RABL3: variants seen among roughly 807,000 people sequenced by gnomAD.
RABL3 encodes the protein RAB, member of RAS oncogene family like 3.
Under a neutral mutation model 31.8 loss-of-function variants are expected in RABL3, and 31 were observed. The ratio of observed to expected loss-of-function variants is 0.97; its 90% CI spans 0.73 to 1.31. The LOEUF is 1.31. Among genes scored for constraint, RABL3 ranks in the 40% most tolerant of loss-of-function variants. RABL3 has a pLI of 0.00. For synonymous variants in RABL3, 97 were observed against 99.9 expected (o/e 0.97, Z 0.18); for missense variants, 263 against 279.6 (o/e 0.94, Z 0.42).
chr3:120,727,067 TAA>T (rs1007643671), intron 2 of RABL3, among the ~76,000 whole-genome samples: 1 of 151,500 alleles, frequency 6.6e-6, no homozygotes, highest in Non-Finnish European at 1.5e-5. Context: ...CTTAGAGCTC[TAA>T]AAAAAAGTCT....
At chr3:120,734,612 G>A (rs1440787025) in intron 1 of RABL3, among the ~76,000 whole-genome samples, 10 of 152,180 alleles carry the variant, frequency 6.6e-5, no homozygotes, top group African/African-American at 2.4e-4. Context: ...GGGCATCCTT[G>A]TCTTGTGCCA....
At chr3:120,727,522 G>GA (rs966897907) in intron 2 of RABL3, among the ~76,000 whole-genome samples, 113 of 146,456 alleles carry the variant, frequency 7.7e-4, no homozygotes, top group African/African-American at 2.3e-3. Context: ...AAATATCTAA[G>GA]AAAAAAAAAA....
chr3:120,737,485 G>A (rs7637037), intron 1 of RABL3, among the ~76,000 whole-genome samples: 39,451 of 152,102 alleles, frequency 0.26, 5,854 homozygotes, highest in Non-Finnish European at 0.33. Flanking sequence ...CCTTTAGCTC[G>A]GAGAAGTTTG....
At chr3:120,724,992 C>A (rs1478007635) in intron 2 of RABL3, among the ~76,000 whole-genome samples, 6 of 152,042 alleles carry the variant, frequency 3.9e-5, no homozygotes, top group Non-Finnish European at 8.8e-5. Flanking sequence ...GCAAAAGAAA[C>A]TACCATCAGA....
In RABL3 at chr3:120,730,742, A is replaced by C; in HGVS notation, c.92T>G (p.Val31Gly). The C allele has an allele frequency of 1.2e-6, 2 of 1,614,030 alleles. No homozygotes were observed. The highest frequency in any genetic ancestry group is 1.7e-6 in the Non-Finnish European group (2 of 1,179,912). ...CACAGTCCATGATGGATTTCCCAGC[A>C]CTTGATTTTGGCATAGGAGATGGAC... The part of the protein sequence containing the change: ...SLVHLLCQNQ[V>G]LGNPSWTVGC... The change falls in exon 2 of 8, where the codon GTG (valine) becomes GGG (glycine). Residue 31 changes from valine (V) to glycine (G), a missense_variant. By Grantham distance (109) the Val-to-Gly change is moderately radical. Coordinates refer to ENST00000273375, the MANE Select transcript of RABL3 (RefSeq NM_173825.5).
At chr3:120,731,310 T>C (rs1012033326) in intron 1 of RABL3, among the ~76,000 whole-genome samples, 2 of 152,164 alleles carry the variant, frequency 1.3e-5, no homozygotes, top group African/African-American at 2.4e-5. Context: ...TTGAATACTG[T>C]CAGTGAGAGG....
intron 2 of RABL3, among the ~76,000 whole-genome samples, chr3:120,711,589 A>C (rs1708613240): frequency 6.6e-6 from 1 of 152,072 alleles, no homozygotes; most frequent in Non-Finnish European, 1.5e-5. Context: ...TTTCTCACTC[A>C]CAGTTATCTC....
intron 4 of RABL3, among the ~76,000 whole-genome samples, chr3:120,699,615 C>T (rs906693032): frequency 6.6e-6 from 1 of 152,146 alleles, no homozygotes; most frequent in Non-Finnish European, 1.5e-5. Context: ...TCGAGCATAG[C>T]TTTTTTTCTT....
At chr3:120,735,187 G>A (rs981006246) in intron 1 of RABL3, among the ~76,000 whole-genome samples, 1 of 151,552 alleles carries the variant, frequency 6.6e-6, no homozygotes, top group Non-Finnish European at 1.5e-5. Flanking sequence ...ACTTTTTTTG[G>A]TTGGTAGGCT....
intron 5 of RABL3, among the ~76,000 whole-genome samples, chr3:120,697,694 T>G (rs375875681): frequency 6.6e-6 from 1 of 152,228 alleles, no homozygotes; most frequent in African/African-American, 2.4e-5. Context: ...TTAGTCCTTA[T>G]GAAGCACTCC....
At chr3:120,741,956 T>C (rs954527939) in intron 1 of RABL3, among the ~76,000 whole-genome samples, 1 of 152,188 alleles carries the variant, frequency 6.6e-6, no homozygotes, top group Admixed American at 6.5e-5. Context: ...GCCTCACTAC[T>C]CTCATCTGTA....
At chr3:120,709,667 G>A (rs2107582717) in intron 3 of RABL3, 113 bp downstream of exon 3, 1 of 763,256 alleles carries the variant, frequency 1.3e-6, no homozygotes, top group East Asian at 2.7e-5. Context: ...AGGGTTGTGA[G>A]TACATTATAT....
chr3:120,685,177 A>T lies in RABL3; in HGVS notation c.*4646T>A, dbSNP rs149696177. On this transcript the variant is annotated 3_prime_UTR_variant, in exon 8 of 8. Coordinates refer to ENST00000273375, the MANE Select transcript of RABL3 (RefSeq NM_173825.5). ...GTAAGAGTTGGATAGAAAGTGGAAA[A>T]CATTACATCCAGGAATTGCTACAAG... Among the ~76,000 whole-genome samples the T allele has an allele frequency of 0.011, 1,741 of 152,308 alleles. 31 individuals carry two copies. The highest frequency in any genetic ancestry group is 0.039 in the African/African-American group (1,615 of 41,560).
rs532809507 is a variant in RABL3, at chr3:120,702,542, A to G, written c.383+3458T>C. ...GTTGGGAACGCCTGCTTACAAATAC[A>G]GAGGAAGGGAAATTTTTCTTTTTTT... On this transcript the variant is annotated intron_variant, in intron 4 of 7. Transcript: ENST00000273375. Among the ~76,000 whole-genome samples the G allele has an allele frequency of 5.3e-5, 8 of 151,320 alleles. No individual in the cohort carries two copies. The East Asian group carries it at 1.4e-3, about 26-fold the overall frequency.
At chr3:120,729,043 C>T (rs1708853704) in intron 2 of RABL3, among the ~76,000 whole-genome samples, 1 of 152,082 alleles carries the variant, frequency 6.6e-6, no homozygotes, top group African/African-American at 2.4e-5. Flanking sequence ...GAAGACTAGA[C>T]TATAGATGCC....
At chr3:120,700,347 T>C (rs941534630) in intron 4 of RABL3, among the ~76,000 whole-genome samples, 8 of 152,014 alleles carry the variant, frequency 5.3e-5, no homozygotes, top group Non-Finnish European at 1.2e-4. Context: ...GATTTAGAAT[T>C]CAGAGAAACA....
intron 6 of RABL3, among the ~76,000 whole-genome samples, chr3:120,692,347 C>A (rs997264670): frequency 6.6e-6 from 1 of 152,024 alleles, no homozygotes; most frequent in East Asian, 1.9e-4. Context: ...TACAGGCGCC[C>A]GCCACCACAC....
chr3:120,714,244 G>C (rs938817661), intron 2 of RABL3, among the ~76,000 whole-genome samples: 5 of 152,190 alleles, frequency 3.3e-5, no homozygotes, highest in Non-Finnish European at 5.9e-5. Flanking sequence ...ATTAAAGAGA[G>C]GAAGGGAGGT....
At chr3:120,737,521 C>G (rs1708984774) in intron 1 of RABL3, among the ~76,000 whole-genome samples, 1 of 152,226 alleles carries the variant, frequency 6.6e-6, no homozygotes, top group African/African-American at 2.4e-5. Context: ...CTTCTCTCAA[C>G]TTGTGAAAGT....
Sources: allele counts gnomAD v4.1 joint callset (sites outside exome capture counted in the v4.1 genomes callset), GRCh38; gene constraint gnomAD v4.1.1; transcripts MANE v1.5; gene names NCBI Gene and HGNC (gene_info 2026-07-23, HGNC 2026-07-21).